PPFIA2: variants seen among roughly 807,000 people sequenced by gnomAD.
PPFIA2 encodes the protein liprin-alpha-2.
PPFIA2 carries 46 observed loss-of-function variants against 175.5 expected under a neutral mutation model. That is an observed-to-expected ratio of 0.26 (90% CI 0.21 to 0.34). The LOEUF is 0.34. PPFIA2 is among the 10% of genes least tolerant of loss of function. PPFIA2 has a pLI of 1.00. For missense variants in PPFIA2, 1,179 were observed against 1,506.1 expected (o/e 0.78, Z 3.60); for synonymous variants, 568 against 511.4 (o/e 1.11, Z -1.49).
chr12:81,623,249 T>C (rs950440482), intron 4 of PPFIA2, among the ~76,000 whole-genome samples: 10 of 152,138 alleles, frequency 6.6e-5, no homozygotes, highest in Admixed American at 2.6e-4. Flanking sequence ...AAGAGGAATA[T>C]GCCAGTTTAT....
intron 4 of PPFIA2, among the ~76,000 whole-genome samples, chr12:81,622,070 C>T (rs1382849088): frequency 1.3e-5 from 2 of 152,164 alleles, no homozygotes; most frequent in Non-Finnish European, 2.9e-5. Context: ...TAGACAAGGA[C>T]TTGGTGTTTC....
At chr12:81,595,350 A>G (rs1021867577) in intron 4 of PPFIA2, among the ~76,000 whole-genome samples, 1 of 151,796 alleles carries the variant, frequency 6.6e-6, no homozygotes, top group Non-Finnish European at 1.5e-5. Flanking sequence ...ATGCATAAGA[A>G]TACTGCAAAT....
intron 4 of PPFIA2, among the ~76,000 whole-genome samples, chr12:81,581,732 G>GAACA (rs921815841): frequency 1.1e-4 from 1 of 8,768 alleles, no homozygotes; most frequent in South Asian, 0.017. Flanking sequence ...AAAACAAAAC[G>GAACA]AACAAACAAA....
intron 3 of PPFIA2, among the ~76,000 whole-genome samples, chr12:81,748,913 G>A (rs1318168070): frequency 6.9e-6 from 1 of 144,264 alleles, no homozygotes; most frequent in Non-Finnish European, 1.6e-5. Flanking sequence ...AACAGCCTAC[G>A]CTTCACAGCC....
At chr12:81,368,520 T>C (rs1210208400) in intron 13 of PPFIA2, among the ~76,000 whole-genome samples, 1 of 151,808 alleles carries the variant, frequency 6.6e-6, no homozygotes, top group Non-Finnish European at 1.5e-5. Flanking sequence ...AAAAGATTTA[T>C]ATATCATGCA....
rs78390354 is a variant in PPFIA2 at position 81,706,446 on chromosome 12, C to T, written c.250-29602G>A. Among the ~76,000 whole-genome samples the T allele has an allele frequency of 6.9e-3, 1,051 of 152,232 alleles. 19 individuals carry two copies. Among genetic ancestry groups the T allele is most frequent in the African/African-American group, 0.024 (997 of 41,546 alleles). On this transcript the variant is annotated intron_variant, in intron 3 of 32. Coordinates refer to ENST00000549396, the MANE Select transcript of PPFIA2 (RefSeq NM_003625.5). The stretch of plus-strand genomic sequence containing the variant: ...TTTTATGAAGCTATTTATTGTGCTA[C>T]TTTTGTTGCTTCCACAACCTTAAAA...
intron 4 of PPFIA2, among the ~76,000 whole-genome samples, chr12:81,506,749 A>G (rs933998707): frequency 3.3e-5 from 5 of 152,212 alleles, no homozygotes; most frequent in Non-Finnish European, 7.3e-5. Context: ...ATTTCTGCAA[A>G]GGGCCAGATA....
chr12:81,657,716 T>C (rs1318089419), intron 4 of PPFIA2, among the ~76,000 whole-genome samples: 1 of 152,192 alleles, frequency 6.6e-6, no homozygotes, highest in East Asian at 1.9e-4. Flanking sequence ...GCTTTTGTAA[T>C]TGCTAAAGTC....
rs200549712 is a variant in PPFIA2, at chr12:81,642,639, T to C, written c.303+34152A>G. The stretch of plus-strand genomic sequence containing the variant: ...CATAATAGATACTATATATCTATTA[T>C]ATACATACATGTATGTATCTATTAT... On this transcript the variant is annotated intron_variant, in intron 4 of 32. Coordinates refer to ENST00000549396, the MANE Select transcript of PPFIA2 (RefSeq NM_003625.5). 3.5e-4 allele frequency among the ~76,000 whole-genome samples: 50 copies of C among 140,848 alleles called. 3 individuals carry two copies. In the East Asian group the frequency reaches 7.4e-3, roughly 21 times the overall value. The allele number at this position is 140,848 out of a possible 152,430, so 92.4% of individuals were successfully genotyped here. A position where few individuals can be genotyped will look rare whatever the true frequency, so the allele number is the denominator to read the frequency against.
At chr12:81,376,700 T>C (rs1480431417) in intron 9 of PPFIA2, among the ~76,000 whole-genome samples, 1 of 152,200 alleles carries the variant, frequency 6.6e-6, no homozygotes, top group African/African-American at 2.4e-5. Flanking sequence ...ACCTACTTTA[T>C]TGACAAGATG....
At chr12:81,681,385 G>A (rs191728333) in intron 3 of PPFIA2, among the ~76,000 whole-genome samples, 18 of 152,094 alleles carry the variant, frequency 1.2e-4, no homozygotes, top group African/African-American at 4.3e-4. Flanking sequence ...TTCCTGGCAT[G>A]AAAACCCAGT....
rs981136509 is a variant in PPFIA2 at position 81,647,796 on chromosome 12, A to T, written c.303+28995T>A. Among the ~76,000 whole-genome samples the T allele has an allele frequency of 2.9e-5, 4 of 137,784 alleles. No individual in the cohort carries two copies. The East Asian group carries it at 6.3e-4, about 22-fold the overall frequency. 90.4% of individuals were successfully genotyped at this position (137,784 alleles called of 152,430 possible). A position where few individuals can be genotyped will look rare whatever the true frequency, so the allele number is the denominator to read the frequency against. On this transcript the variant is annotated intron_variant, in intron 4 of 32. Transcript: ENST00000549396. ...ATATATATAATATACATATAATATAATATATATTATATATACTATAAAATA... is the reference window on the plus strand; with the variant it reads ...ATATATATAATATACATATAATATATTATATATTATATATACTATAAAATA...
intron 4 of PPFIA2, chr12:81,535,339 C>A: frequency 2.2e-6 from 1 of 452,134 alleles, no homozygotes; most frequent in South Asian, 1.6e-5. Flanking sequence ...AGTTTGGGAA[C>A]TCTTGATTAT....
intron 24 of PPFIA2, among the ~76,000 whole-genome samples, chr12:81,293,305 A>G (rs576289948): frequency 6.6e-6 from 1 of 152,188 alleles, no homozygotes; most frequent in Admixed American, 6.6e-5. Context: ...GTCGTCATGC[A>G]TGCCTTTTTT....
chr12:81,743,658 C>T (rs1397089979), intron 3 of PPFIA2, among the ~76,000 whole-genome samples: 1 of 151,754 alleles, frequency 6.6e-6, no homozygotes, highest in East Asian at 1.9e-4. Flanking sequence ...AGATCTAGAA[C>T]AAAAGGGAAA....
intron 4 of PPFIA2, among the ~76,000 whole-genome samples, chr12:81,475,155 A>G (rs901961694): frequency 5.9e-5 from 9 of 152,300 alleles, no homozygotes; most frequent in Middle Eastern, 6.8e-3. Flanking sequence ...CTCTGTATCT[A>G]GATGATAAAC....
At chr12:81,584,181 A>G (rs1170089091) in intron 4 of PPFIA2, among the ~76,000 whole-genome samples, 1 of 151,774 alleles carries the variant, frequency 6.6e-6, no homozygotes, top group Non-Finnish European at 1.5e-5. Flanking sequence ...GTATGCAAAT[A>G]TTTGAAATAT....
intron 5 of PPFIA2, among the ~76,000 whole-genome samples, chr12:81,449,732 G>T (rs981125791): frequency 2.0e-5 from 3 of 151,796 alleles, no homozygotes; most frequent in Non-Finnish European, 4.4e-5. Context: ...TTGGTGTGCT[G>T]CACCCATTAA....
intron 4 of PPFIA2, among the ~76,000 whole-genome samples, chr12:81,461,714 C>T (rs1402070726): frequency 2.0e-5 from 3 of 152,058 alleles, no homozygotes; most frequent in African/African-American, 7.2e-5. Context: ...TGAAACATTT[C>T]TCTTTCCTGT....
Sources: gnomAD v4.1 joint callset for allele counts (sites outside exome capture counted in the v4.1 genomes callset) on GRCh38, gnomAD v4.1.1 for gene constraint, MANE v1.5 for transcripts, NCBI Gene and HGNC (gene_info 2026-07-23, HGNC 2026-07-21) for gene names.